The following NBEAL1 variants were observed in gnomAD, a reference collection of about 807,000 sequenced individuals.
NBEAL1 encodes neurobeachin-like protein 1.
Under a neutral mutation model 351.3 loss-of-function variants are expected in NBEAL1, and 273 were observed. The observed-to-expected ratio is 0.78, with a 90% CI of 0.70 to 0.86. The LOEUF (loss-of-function observed/expected upper bound fraction) is 0.86. NBEAL1 is among the 40% of genes least tolerant of loss of function. The pLI is 0.00. For synonymous variants in NBEAL1, 1,050 were observed against 1,086.4 expected (o/e 0.97, Z 0.66); for missense variants, 2,961 against 3,201.3 (o/e 0.92, Z 1.81).
At chr2:203,165,544 G>C (rs2064107064) in intron 36 of NBEAL1, among the ~76,000 whole-genome samples, 1 of 152,038 alleles carries the variant, frequency 6.6e-6, no homozygotes, top group South Asian at 2.1e-4. Context: ...TTATTTTTCA[G>C]CTGTCCTCTG....
chr2:203,207,763 A>T (rs1315101920), intron 51 of NBEAL1, among the ~76,000 whole-genome samples: 1 of 152,252 alleles, frequency 6.6e-6, no homozygotes, highest in Non-Finnish European at 1.5e-5. Context: ...GTACCCAGGG[A>T]CACAAACACT....
intron 36 of NBEAL1, among the ~76,000 whole-genome samples, chr2:203,158,102 C>G (rs1187043753): frequency 6.6e-6 from 1 of 152,016 alleles, no homozygotes; most frequent in Admixed American, 6.6e-5. Context: ...TACCTGTGTT[C>G]AGATGGAAAT....
At chr2:203,193,619 A>G (rs1376106237) in intron 46 of NBEAL1, among the ~76,000 whole-genome samples, 176 bp from the exon 47 acceptor site, 2 of 152,212 alleles carry the variant, frequency 1.3e-5, no homozygotes, top group Non-Finnish European at 2.9e-5. Context: ...TGGGGTTTCC[A>G]AAGAAATGAA....
At chr2:203,087,253 C>T (rs1160392844) in intron 10 of NBEAL1, among the ~76,000 whole-genome samples, 1 of 151,822 alleles carries the variant, frequency 6.6e-6, no homozygotes, top group East Asian at 1.9e-4. Context: ...CCACCGTGCC[C>T]GGCTAATTTT....
In NBEAL1 at chr2:203,062,085, C is replaced by G; in HGVS notation, c.515+4632C>G. On this transcript the variant is annotated intron_variant, in intron 6 of 55. Coordinates refer to ENST00000683969, the MANE Select transcript of NBEAL1 (RefSeq NM_001378026.1). The surrounding 1 kb of genome is among the most constrained non-coding windows in gnomAD (Gnocchi z 4.2). ...CATGACATATGAAGACTTTTCCACACATTCTGCATACACATGGTTTTACTT... is the reference window on the plus strand; with the variant it reads ...CATGACATATGAAGACTTTTCCACAGATTCTGCATACACATGGTTTTACTT... 2.7e-6 allele frequency: 1 copy of G among 363,868 alleles called. No individual in the cohort carries two copies. Among genetic ancestry groups the G allele is most frequent in the African/African-American group, 2.1e-5 (1 of 46,610 alleles). 22.5% of individuals were successfully genotyped at this position (363,868 alleles called of 1,614,324 possible). A position where few individuals can be genotyped will look rare whatever the true frequency, so the allele number is the denominator to read the frequency against.
chr2:203,068,348 G>T, intron 6 of NBEAL1, 45 bp from the exon 7 acceptor site: 1 of 932,558 alleles, frequency 1.1e-6, no homozygotes, highest in South Asian at 1.9e-5. Flanking sequence ...TGCCGTGTCT[G>T]CTTGCCCATG....
intron 31 of NBEAL1, among the ~76,000 whole-genome samples, chr2:203,140,093 A>G (rs2096392501): frequency 6.6e-6 from 1 of 151,650 alleles, no homozygotes; most frequent in South Asian, 2.1e-4. Flanking sequence ...CTGAGGTCCG[A>G]AGTTTGAGAC....
At chr2:203,039,174 T>C (rs2061087823) in intron 2 of NBEAL1, among the ~76,000 whole-genome samples, 2 of 100,698 alleles carry the variant, frequency 2.0e-5, no homozygotes, top group East Asian at 2.2e-4. Flanking sequence ...CTGTCTTTTT[T>C]CTTTCCTTTC....
chr2:203,093,789 A>T (rs942661923), intron 10 of NBEAL1, among the ~76,000 whole-genome samples: 1 of 152,162 alleles, frequency 6.6e-6, no homozygotes, highest in African/African-American at 2.4e-5. Context: ...TGAAGGTTGC[A>T]GTGAGCCATC....
chr2:203,056,425 A>G lies in NBEAL1; in HGVS notation c.306-2A>G. 2.0e-6 allele frequency: 3 copies of G among 1,521,658 alleles called. No homozygotes were observed. The highest frequency in any genetic ancestry group is 1.8e-6 in the Non-Finnish European group (2 of 1,119,422). The allele number at this position is 1,521,658 out of a possible 1,614,324, so 94.3% of individuals were successfully genotyped here. On this transcript the variant is annotated splice_acceptor_variant, in intron 4 of 55. Transcript: ENST00000683969. LOFTEE classifies it high-confidence loss of function. ...AAAAATTAAAGTCTCTTTTTCTCAC[A>G]GAAATCTATCAAATGTGGAAGAAAT...
intron 39 of NBEAL1, 104 bp from the exon 40 acceptor site, chr2:203,171,824 T>C: frequency 2.5e-6 from 1 of 393,574 alleles, no homozygotes; most frequent in Non-Finnish European, 4.5e-6. Context: ...TGTTGTACCT[T>C]TTTTTTTTTT....
At chr2:203,110,090 T>C (rs548388687) in intron 14 of NBEAL1, 60 bp from the exon 15 acceptor site, 41 of 1,456,516 alleles carry the variant, frequency 2.8e-5, no homozygotes, top group Admixed American at 9.3e-5. Context: ...TTATGTACTT[T>C]AATGATGATG....
chr2:203,204,014 C>T (rs2065476846), intron 51 of NBEAL1, among the ~76,000 whole-genome samples: 1 of 151,166 alleles, frequency 6.6e-6, no homozygotes, highest in Non-Finnish European at 1.5e-5. Flanking sequence ...CTGCAACCTC[C>T]ACCTCCTGGG....
intron 36 of NBEAL1, among the ~76,000 whole-genome samples, chr2:203,159,110 G>A (rs952955037): frequency 2.0e-5 from 3 of 152,046 alleles, no homozygotes; most frequent in Non-Finnish European, 4.4e-5. Flanking sequence ...ACCAGAGAGT[G>A]AGCCGCTGCA....
chr2:203,110,244 G>T lies in NBEAL1; in HGVS notation c.2044G>T (p.Val682Phe). ...GTGCACAAAAAGAGAATATGCAACG[G>T]TTATGCTTCCTGACCACAGTTTCTG... Reference protein sequence around the residue: ...AVCTKREYATVMLPDHSFCDS... With the variant: ...AVCTKREYATFMLPDHSFCDS... The change falls in exon 15 of 56, where the codon GTT (valine) becomes TTT (phenylalanine). Residue 682 changes from valine to phenylalanine, a missense_variant. By Grantham distance (50) the Val-to-Phe change is conservative. Transcript: ENST00000683969. The T allele has an allele frequency of 6.4e-7, 1 of 1,552,840 alleles. No individual in the cohort carries two copies. The highest frequency in any genetic ancestry group is 8.7e-7 in the Non-Finnish European group (1 of 1,147,208).
At position 203,126,614 on chromosome 2, in the gene NBEAL1, C is replaced by G. The variant is rs1345151956; in HGVS notation, c.3043C>G (p.Gln1015Glu). 6.6e-7 allele frequency: 1 copy of G among 1,523,370 alleles called. No individual in the cohort carries two copies. 94.4% of individuals were successfully genotyped at this position (1,523,370 alleles called of 1,614,324 possible). ...VLMAVQLLIE[Q>E]VSLEKNMQLL... ...GATGGCAGTTCAGTTACTAATTGAACAAGTATCATTAGAGAAAAATATGCA... is the reference window on the plus strand; with the variant it reads ...GATGGCAGTTCAGTTACTAATTGAAGAAGTATCATTAGAGAAAAATATGCA... Residue 1015 changes from glutamine (Q) to glutamate (E), a missense_variant, in exon 22 of 56, where the codon CAA (glutamine) becomes GAA (glutamate). Transcript: ENST00000683969.
chr2:203,093,938 T>C (rs1404564611), intron 10 of NBEAL1, among the ~76,000 whole-genome samples: 1 of 149,798 alleles, frequency 6.7e-6, no homozygotes, highest in Non-Finnish European at 1.5e-5. Flanking sequence ...ATTTCTGGAA[T>C]TTTTTTTTTG....
intron 7 of NBEAL1, among the ~76,000 whole-genome samples, chr2:203,077,538 G>A (rs958060743): frequency 2.0e-5 from 3 of 152,142 alleles, no homozygotes; most frequent in African/African-American, 7.2e-5. Context: ...AGAATTATGA[G>A]AACTAAGTGA....
At chr2:203,156,909 TTCAA>T (rs1231098966) in intron 35 of NBEAL1, among the ~76,000 whole-genome samples, 2 of 152,212 alleles carry the variant, frequency 1.3e-5, no homozygotes, top group Non-Finnish European at 2.9e-5. Flanking sequence ...CTGTTCTTAT[TTCAA>T]TCAGATAGTT....
Sources: allele counts gnomAD v4.1 joint callset (sites outside exome capture counted in the v4.1 genomes callset), GRCh38; gene constraint gnomAD v4.1.1; non-coding constraint Gnocchi (gnomAD v3.1); transcripts MANE v1.5; gene names NCBI Gene and HGNC (gene_info 2026-07-23, HGNC 2026-07-21).